The following EHMT1 variants were observed in gnomAD, a reference collection of about 807,000 sequenced individuals.
The protein encoded by EHMT1 is histone-lysine N-methyltransferase EHMT1.
In EHMT1, 15 loss-of-function variants were observed where a neutral mutation model predicts 147.2. The ratio of observed to expected loss-of-function variants is 0.10; its 90% CI spans 0.07 to 0.16. The LOEUF (loss-of-function observed/expected upper bound fraction) is 0.16, where lower values mean the gene tolerates loss of function less well. Among genes scored for constraint, EHMT1 ranks in the 10% least tolerant of loss-of-function variants. The pLI, the probability that EHMT1 is intolerant of heterozygous loss-of-function variation, is 1.00. For missense variants in EHMT1, 1,587 were observed against 1,772.4 expected (o/e 0.90, Z 1.88); for synonymous variants, 795 against 709.6 (o/e 1.12, Z -1.91).
chr9:137,623,177 C>A (rs1444672839), intron 1 of EHMT1, among the ~76,000 whole-genome samples: 1 of 149,906 alleles, frequency 6.7e-6, no homozygotes, highest in Non-Finnish European at 1.5e-5. Flanking sequence ...CATGCCACTG[C>A]ACTCCAGCCT....
intron 10 of EHMT1, among the ~76,000 whole-genome samples, chr9:137,767,158 T>C (rs1014694980): frequency 1.3e-5 from 2 of 152,118 alleles, no homozygotes; most frequent in Admixed American, 1.3e-4. Flanking sequence ...GCCACTCTGC[T>C]GCCCAGGCTG....
chr9:137,669,345 A>AGCACGTGCACTCACCC (rs1564562465), intron 1 of EHMT1, among the ~76,000 whole-genome samples: 1 of 9,076 alleles, frequency 1.1e-4, no homozygotes, highest in Non-Finnish European at 2.0e-4. Flanking sequence ...TGGACCCCAC[A>AGCACGTGCACTCACCC]CCACCCAAGA....
At chr9:137,706,497 T>C (rs1048685143) in intron 1 of EHMT1, among the ~76,000 whole-genome samples, 1 of 152,222 alleles carries the variant, frequency 6.6e-6, no homozygotes, top group African/African-American at 2.4e-5. Flanking sequence ...CTCCCCTTAT[T>C]TATTTTTGAG....
rs780093354 is a variant in EHMT1, at chr9:137,814,558, C to T, written c.3258+50C>T. 1.6e-5 allele frequency: 26 copies of T among 1,589,632 alleles called. No individual in the cohort carries two copies. In the East Asian group the frequency reaches 3.1e-4, roughly 19 times the overall value. Reference sequence around the variant, plus strand: ...GCTCAGGTGGTAAGTGCCGCTGGTCCGGGTCTGCAAAAACAGTGCAGGCGT... The same window carrying T: ...GCTCAGGTGGTAAGTGCCGCTGGTCTGGGTCTGCAAAAACAGTGCAGGCGT... On this transcript the variant is annotated intron_variant, in intron 22 of 26. Coordinates refer to ENST00000460843, the MANE Select transcript of EHMT1 (RefSeq NM_024757.5).
chr9:137,746,032 G>T (rs535166267), intron 6 of EHMT1: 2 of 153,182 alleles, frequency 1.3e-5, no homozygotes, highest in East Asian at 3.8e-4. Context: ...GTAGTCTGAC[G>T]ATCTTTTTTG....
chr9:137,752,496 C>T (rs1766035877), intron 7 of EHMT1, 88 bp downstream of exon 7: 1 of 1,472,326 alleles, frequency 6.8e-7, no homozygotes, highest in Non-Finnish European at 9.3e-7. Context: ...CCCAACAACC[C>T]TTGTTGCCTG....
chr9:137,825,303 C>T (rs2132974578), intron 25 of EHMT1, among the ~76,000 whole-genome samples: 1 of 152,344 alleles, frequency 6.6e-6, no homozygotes, highest in East Asian at 1.9e-4. Flanking sequence ...TGTGGGCCGA[C>T]TCCCTCTCCT....
At chr9:137,822,454 A>G (rs373301967) in intron 25 of EHMT1, among the ~76,000 whole-genome samples, 1 of 152,318 alleles carries the variant, frequency 6.6e-6, no homozygotes, top group East Asian at 1.9e-4. Context: ...AGTTTTCCAA[A>G]GTGGTTATAG....
In EHMT1 at chr9:137,731,798, C is replaced by T. The variant is rs559046275; in HGVS notation, c.823+3269C>T. ...AGTGGAGCAGCGAGGCGTGTGTTGA[C>T]GAGCAAGCATGGTGTGGGGCCACTG... On this transcript the variant is annotated intron_variant, in intron 4 of 26. Transcript: ENST00000460843. The surrounding 1 kb of genome is among the most constrained non-coding windows in gnomAD (Gnocchi z 4.3). Among the ~76,000 whole-genome samples, 8 of 152,318 alleles carry T rather than the reference C, an allele frequency of 5.3e-5. No homozygotes were observed. The South Asian group carries it at 1.4e-3, about 28-fold the overall frequency.
chr9:137,636,203 AG>A (rs1227498744), intron 1 of EHMT1, among the ~76,000 whole-genome samples: 1 of 152,196 alleles, frequency 6.6e-6, no homozygotes, highest in African/African-American at 2.4e-5. Flanking sequence ...TATAGGCGTG[AG>A]CCACCATGCC....
intron 1 of EHMT1, among the ~76,000 whole-genome samples, chr9:137,628,161 T>G (rs1843388467): frequency 6.6e-6 from 1 of 152,216 alleles, no homozygotes; most frequent in Admixed American, 6.5e-5. Flanking sequence ...ATCACCCCCA[T>G]TGTCCCCACC....
At chr9:137,798,945 CTG>C (rs777435992) in intron 17 of EHMT1, 31 bp downstream of exon 17, 2 of 1,538,292 alleles carry the variant, frequency 1.3e-6, no homozygotes. Flanking sequence ...TAGCAGTACA[CTG>C]TGTGGACTGG....
At chr9:137,670,067 C>G (rs952835981) in intron 1 of EHMT1, among the ~76,000 whole-genome samples, 1 of 152,156 alleles carries the variant, frequency 6.6e-6, no homozygotes, top group Non-Finnish European at 1.5e-5. Context: ...ACCTTGTTGG[C>G]CAGGCTGGTG....
At chr9:137,800,646 T>G (rs1588783083) in intron 17 of EHMT1, 1 of 567,564 alleles carries the variant, frequency 1.8e-6, no homozygotes, top group Non-Finnish European at 3.2e-6. Context: ...TCGGGCAGGG[T>G]TGTTGGGCCT....
intron 1 of EHMT1, among the ~76,000 whole-genome samples, chr9:137,651,902 C>T (rs1207394655): frequency 5.3e-5 from 8 of 152,212 alleles, no homozygotes; most frequent in Non-Finnish European, 5.9e-5. Flanking sequence ...AACAAACCTA[C>T]TCTGCTATCA....
chr9:137,766,429 A>G (rs1240053572), intron 10 of EHMT1, among the ~76,000 whole-genome samples: 1 of 152,196 alleles, frequency 6.6e-6, no homozygotes, highest in Non-Finnish European at 1.5e-5. Flanking sequence ...ATCGTGGCCA[A>G]CATGGGGAAA....
At chr9:137,681,947 T>G (rs1187140799) in intron 1 of EHMT1, among the ~76,000 whole-genome samples, 2 of 151,984 alleles carry the variant, frequency 1.3e-5, no homozygotes. Flanking sequence ...TTTTGTGTTT[T>G]TTTGTTTGTT....
chr9:137,752,466 C>T (rs1949044439), intron 7 of EHMT1, 58 bp downstream of exon 7: 1 of 1,569,360 alleles, frequency 6.4e-7, no homozygotes, highest in Non-Finnish European at 8.7e-7. Flanking sequence ...GCAAAGACAC[C>T]AGCGTCCTTC....
At chr9:137,729,203 G>C (rs1946884397) in intron 4 of EHMT1, among the ~76,000 whole-genome samples, 1 of 152,180 alleles carries the variant, frequency 6.6e-6, no homozygotes, top group African/African-American at 2.4e-5. Context: ...TGGGAGGTCA[G>C]CCGGCCCTCG....
Sources: gnomAD v4.1 joint callset for allele counts (sites outside exome capture counted in the v4.1 genomes callset) on GRCh38, gnomAD v4.1.1 for gene constraint, Gnocchi (gnomAD v3.1) non-coding constraint, MANE v1.5 for transcripts, NCBI Gene and HGNC (gene_info 2026-07-23, HGNC 2026-07-21) for gene names.